Variants in COG4 observed in about 807,000 individuals in gnomAD.
COG4 encodes the protein conserved oligomeric Golgi complex subunit 4.
In COG4, 65 loss-of-function variants were observed where a neutral mutation model predicts 95.1. The ratio of observed to expected loss-of-function variants is 0.68; its 90% CI spans 0.56 to 0.84. The LOEUF (loss-of-function observed/expected upper bound fraction) is 0.84, where lower values mean the gene tolerates loss of function less well. Ranked by LOEUF, COG4 falls within the 40% of genes least tolerant of loss-of-function variation. The pLI is 0.00. For missense variants in COG4, 1,045 were observed against 989.1 expected, an observed-to-expected ratio of 1.06 and a Z score of -0.76; for synonymous variants, 421 against 374.8, an observed-to-expected ratio of 1.12 and a Z score of -1.42.
In COG4 at chr16:70,519,655, C is replaced by A; in HGVS notation, c.248G>T (p.Arg83Leu). 6.2e-7 allele frequency: 1 copy of A among 1,609,236 alleles called. No homozygotes were observed. ...CTGAGATGCACAGACTCACCCCATT[C>A]GGTGGAGAGTGACCATCTTACTTTC... ...TIESKMVTLH[R>L]MGPNLQLIEG... The change falls in exon 2 of 19, where the codon CGA becomes CTA. Residue 83 changes from arginine (R) to leucine (L), a missense_variant. Arg to Leu is a moderately radical substitution (Grantham distance 102). Coordinates refer to ENST00000323786, the MANE Select transcript of COG4 (RefSeq NM_015386.3).
At chr16:70,504,609 T>TAAA (rs66751123) in intron 8 of COG4, among the ~76,000 whole-genome samples, 5 of 121,946 alleles carry the variant, frequency 4.1e-5, no homozygotes, top group African/African-American at 7.2e-5. Context: ...AGATTCTATT[T>TAAA]AAAAAAAAAA....
chr16:70,522,194 C>G (rs1477742678), intron 1 of COG4, among the ~76,000 whole-genome samples: 1 of 151,636 alleles, frequency 6.6e-6, no homozygotes, highest in Non-Finnish European at 1.5e-5. Context: ...ATGGTTTTCA[C>G]CATTTTGGTC....
At chr16:70,482,010 G>A (rs895655658) in intron 16 of COG4, 82 bp downstream of exon 16, 39 of 1,376,914 alleles carry the variant, frequency 2.8e-5, no homozygotes, top group Non-Finnish European at 4.0e-5. Context: ...GTCCCCAGAA[G>A]GAATGTGATG....
At position 70,523,504 on chromosome 16, in the gene COG4, G is replaced by C; in HGVS notation, c.40C>G (p.Leu14Val). The change falls in exon 1 of 19, where the codon CTG (leucine) becomes GTG (valine). Residue 14 changes from leucine (L) to valine (V), a missense_variant. Leu to Val is a conservative substitution (Grantham distance 32, BLOSUM62 1). Coordinates refer to ENST00000323786, the MANE Select transcript of COG4 (RefSeq NM_015386.3). The stretch of plus-strand genomic sequence containing the variant: ...TCAGACGGCTGCTGCACCCCTGACA[G>C]CTTCGGAGGCGAATCAAGGTCCGCC... ...KMADLDSPPK[L>V]SGVQQPSEGV... 6.2e-7 allele frequency: 1 copy of C among 1,614,084 alleles called. No homozygotes were observed. Among genetic ancestry groups the C allele is most frequent in the Non-Finnish European group, 8.5e-7 (1 of 1,180,036 alleles).
At chr16:70,485,953 T>C (rs959105805) in intron 13 of COG4, among the ~76,000 whole-genome samples, 2 of 149,508 alleles carry the variant, frequency 1.3e-5, no homozygotes, top group African/African-American at 5.0e-5. Context: ...TGGAGTGCAG[T>C]GGCTTGATCT....
At chr16:70,514,290 A>G (rs1377768641) in intron 4 of COG4, 45 bp downstream of exon 4, 4 of 1,580,996 alleles carry the variant, frequency 2.5e-6, no homozygotes, top group Admixed American at 3.4e-5. Context: ...TTCAGATTAC[A>G]GATGATTTTA....
At chr16:70,489,743 C>A (rs1301442698) in intron 13 of COG4, among the ~76,000 whole-genome samples, 1 of 137,740 alleles carries the variant, frequency 7.3e-6, no homozygotes, top group Non-Finnish European at 1.6e-5. Context: ...CATCTCATTT[C>A]GTAGATGAGA....
At chr16:70,516,275 G>A (rs2049820768) in intron 3 of COG4, among the ~76,000 whole-genome samples, 2 of 151,346 alleles carry the variant, frequency 1.3e-5, no homozygotes, top group Admixed American at 1.3e-4. Flanking sequence ...TGCTAGACTT[G>A]CTTTACTAGG....
intron 1 of COG4, among the ~76,000 whole-genome samples, chr16:70,522,917 A>G (rs2049981997): frequency 6.6e-6 from 1 of 152,136 alleles, no homozygotes; most frequent in African/African-American, 2.4e-5. Context: ...CACACCCCCA[A>G]ATCACTCCCC....
chr16:70,516,109 T>C, intron 3 of COG4: 1 of 453,994 alleles, frequency 2.2e-6, no homozygotes, highest in South Asian at 1.6e-5. Flanking sequence ...CATGTGTTTT[T>C]TGTCCTTTTT....
intron 7 of COG4, chr16:70,508,969 G>C: frequency 5.3e-6 from 3 of 563,192 alleles, no homozygotes; most frequent in Non-Finnish European, 9.6e-6. Context: ...ATAGAGAACT[G>C]GTTTACTACT....
At chr16:70,508,272 T>C (rs919755498) in intron 8 of COG4, 134 bp downstream of exon 8, 6 of 784,776 alleles carry the variant, frequency 7.6e-6, no homozygotes, top group South Asian at 1.5e-5. Context: ...ATATGATACA[T>C]TGCACTGAAA....
chr16:70,514,337 T>C lies in COG4; in HGVS notation c.542A>G (p.Glu181Gly). 6.2e-7 allele frequency: 1 copy of C among 1,614,174 alleles called. No individual in the cohort carries two copies. Among genetic ancestry groups the C allele is most frequent in the Non-Finnish European group, 8.5e-7 (1 of 1,180,006 alleles). ...AACCAACAGTTTCGGATGCTGACCC[T>C]CTTTGCCCTGTCGGCTGAGCTCAAT... The part of the protein sequence containing the change: ...SVIELSRQGK[E>G]GSMIDANLKL... The change falls in exon 4 of 19, where the codon GAG becomes GGG. Residue 181 changes from glutamate to glycine, a missense_variant and splice_region_variant. Glu to Gly is a moderately conservative substitution (Grantham distance 98, BLOSUM62 -2). Transcript: ENST00000323786.
chr16:70,481,147 G>C lies in COG4; in HGVS notation c.2236-3C>G. 6.2e-7 allele frequency: 1 copy of C among 1,613,356 alleles called. No homozygotes were observed. The highest frequency in any genetic ancestry group is 8.5e-7 in the Non-Finnish European group (1 of 1,179,940). On this transcript the variant is annotated splice_region_variant and splice_polypyrimidine_tract_variant and intron_variant, in intron 18 of 18. Transcript: ENST00000323786. The stretch of plus-strand genomic sequence containing the variant: ...CAGTAATCGAGGATCTCGGTCACCT[G>C]TGGGGAAGGACATAGAGACCAGTCA...
intron 9 of COG4, among the ~76,000 whole-genome samples, chr16:70,499,990 T>TATTTA (rs1305684620): frequency 2.0e-5 from 3 of 151,932 alleles, no homozygotes; most frequent in Admixed American, 6.6e-5. Flanking sequence ...TATCTTTTAT[T>TATTTA]ATTTAATTTA....
chr16:70,509,128 G>A, intron 7 of COG4, 103 bp downstream of exon 7: 1 of 1,443,128 alleles, frequency 6.9e-7, no homozygotes, highest in South Asian at 1.2e-5. Context: ...TTTTTCTCCT[G>A]TCTGCACCTT....
At chr16:70,518,075 C>T (rs1052427426) in intron 2 of COG4, among the ~76,000 whole-genome samples, 1 of 151,992 alleles carries the variant, frequency 6.6e-6, no homozygotes. Flanking sequence ...GGACTACAGG[C>T]GCGTGCCACC....
chr16:70,481,695 G>T (rs879042342), intron 17 of COG4, 69 bp downstream of exon 17: 269 of 1,426,718 alleles, frequency 1.9e-4, no homozygotes, highest in Non-Finnish European at 2.5e-4. Context: ...AAGTCCTGGG[G>T]GTGGTGGCAT....
intron 12 of COG4, among the ~76,000 whole-genome samples, chr16:70,490,952 C>A (rs1353439056): frequency 1.3e-5 from 2 of 151,944 alleles, no homozygotes; most frequent in African/African-American, 4.8e-5. Flanking sequence ...AGCCACTGCG[C>A]CCGGCGAGGT....
Sources: gnomAD v4.1 joint callset for allele counts (sites outside exome capture counted in the v4.1 genomes callset) on GRCh38, gnomAD v4.1.1 for gene constraint, MANE v1.5 for transcripts, NCBI Gene and HGNC (gene_info 2026-07-23, HGNC 2026-07-21) for gene names.